The following ZNF157 variants were observed in gnomAD, a reference collection of about 807,000 sequenced individuals.
ZNF157 encodes the protein zinc finger protein 22.
In ZNF157, 8 loss-of-function variants were observed where a neutral mutation model predicts 9.4. That is an observed-to-expected ratio of 0.85 (90% CI 0.50 to 1.53). The LOEUF is 1.53. ZNF157 is among the 40% of genes most tolerant of loss of function. The pLI is 0.00. For synonymous variants in ZNF157, 120 were observed against 130.8 expected, an observed-to-expected ratio of 0.92 and a Z score of 0.56; for missense variants, 316 against 385.2, an observed-to-expected ratio of 0.82 and a Z score of 1.50.
In ZNF157 at chrX:47,396,092, G is replaced by A. The variant is rs776236454; in HGVS notation, c.73-14184G>A. Reference sequence around the variant, plus strand: ...CATATATATTTATATATCCACACACGTATGCCTAATAAAATAAGGAAGAAA... The same window carrying A: ...CATATATATTTATATATCCACACACATATGCCTAATAAAATAAGGAAGAAA... On this transcript the variant is annotated intron_variant, in intron 1 of 3. Transcript: ENST00000377073. 8.1e-5 allele frequency among the ~76,000 whole-genome samples: 9 copies of A among 110,750 alleles called. No individual in the cohort carries two copies. The South Asian group carries it at 1.9e-3, about 23-fold the overall frequency.
At chrX:47,384,114 T>TAAAA (rs57138656) in intron 1 of ZNF157, among the ~76,000 whole-genome samples, 151 of 99,897 alleles carry the variant, frequency 1.5e-3, no homozygotes, top group African/African-American at 5.1e-3. Context: ...TACTGAAAAT[T>TAAAA]AAAAAAAAAA....
intron 1 of ZNF157, among the ~76,000 whole-genome samples, chrX:47,373,743 C>T (rs760266611): frequency 2.4e-4 from 25 of 104,915 alleles, no homozygotes; most frequent in Admixed American, 1.8e-3. Flanking sequence ...GTCTCTCTGT[C>T]GCCCAGGCTG....
At chrX:47,383,282 G>C (rs1423918608) in intron 1 of ZNF157, among the ~76,000 whole-genome samples, 1 of 95,424 alleles carries the variant, frequency 1.0e-5, no homozygotes, top group Non-Finnish European at 2.0e-5. Flanking sequence ...TGAGGCAGGA[G>C]AATTGCTTGA....
intron 1 of ZNF157, among the ~76,000 whole-genome samples, chrX:47,407,095 T>A (rs1023055583): frequency 8.9e-6 from 1 of 112,402 alleles, no homozygotes; most frequent in Admixed American, 9.5e-5. Context: ...TCTATATCAA[T>A]TGATGATTGT....
intron 1 of ZNF157, among the ~76,000 whole-genome samples, chrX:47,382,117 G>A (rs1316390589): frequency 9.1e-6 from 1 of 109,355 alleles, no homozygotes; most frequent in African/African-American, 3.3e-5. Context: ...TGTGAGAGGG[G>A]ATAGAATAGT....
intron 1 of ZNF157, among the ~76,000 whole-genome samples, chrX:47,386,946 A>G (rs1482519900): frequency 2.7e-5 from 3 of 111,375 alleles, no homozygotes; most frequent in Non-Finnish European, 5.7e-5. Flanking sequence ...CCTACTGAAC[A>G]AGAAAACTTT....
intron 1 of ZNF157, among the ~76,000 whole-genome samples, chrX:47,385,582 T>TGTGTGTGTGTGTG (rs1556817558): frequency 9.6e-6 from 1 of 104,415 alleles, no homozygotes; most frequent in Non-Finnish European, 2.0e-5. Context: ...TGTGTGTGTG[T>TGTGTGTGTGTGTG]TTGAGACAGA....
chrX:47,373,705 G>GTTT (rs772657775), intron 1 of ZNF157, among the ~76,000 whole-genome samples: 2 of 94,415 alleles, frequency 2.1e-5, no homozygotes. Flanking sequence ...ATTTCCCTGA[G>GTTT]TTTTTTTTTT....
intron 1 of ZNF157, chrX:47,390,111 A>G (rs981929895): frequency 3.6e-5 from 4 of 110,946 alleles, no homozygotes; most frequent in Non-Finnish European, 7.5e-5. Context: ...ATGGTGCACA[A>G]TTTGAGTTTT....
At chrX:47,397,914 G>A (rs1390304527) in intron 1 of ZNF157, among the ~76,000 whole-genome samples, 2 of 111,151 alleles carry the variant, frequency 1.8e-5, no homozygotes, top group Admixed American at 9.6e-5. Flanking sequence ...CACCAGTGGA[G>A]CATAATATCA....
At chrX:47,410,080 A>G (rs2055959446) in intron 1 of ZNF157, among the ~76,000 whole-genome samples, 196 bp from the exon 2 acceptor site, 1 of 111,574 alleles carries the variant, frequency 9.0e-6, no homozygotes, top group South Asian at 3.7e-4. Flanking sequence ...TCTTTTTTTC[A>G]TGCATTAATA....
chrX:47,410,579 C>T, intron 2 of ZNF157, 101 bp from the exon 3 acceptor site: 1 of 954,556 alleles, frequency 1.0e-6, no homozygotes, highest in Non-Finnish European at 1.5e-6. Flanking sequence ...TAAATGGGCC[C>T]CCTTCCTTGT....
rs1183204331 is a variant in ZNF157 at position 47,384,815 on chromosome X, A to G, written c.72+14075A>G. On this transcript the variant is annotated intron_variant, in intron 1 of 3. Coordinates refer to ENST00000377073, the MANE Select transcript of ZNF157 (RefSeq NM_003446.4). Reference sequence around the variant, plus strand: ...TTGAAGGACATAAAATAATTTTGAAACCTAAAATATCCATGATGTCTTGGG... The same window carrying G: ...TTGAAGGACATAAAATAATTTTGAAGCCTAAAATATCCATGATGTCTTGGG... 2.7e-5 allele frequency among the ~76,000 whole-genome samples: 3 copies of G among 112,336 alleles called. No homozygotes were observed. The Admixed American group carries it at 2.9e-4, about 11-fold the overall frequency.
At chrX:47,377,748 T>TTA (rs1556816872) in intron 1 of ZNF157, among the ~76,000 whole-genome samples, 28 of 96,782 alleles carry the variant, frequency 2.9e-4, no homozygotes, top group African/African-American at 1.0e-3. Flanking sequence ...TTTTTTTTTT[T>TTA]AAAAAAAACC....
rs1277121410 is a variant in ZNF157 at position 47,378,094 on chromosome X, A to G, written c.72+7354A>G. On this transcript the variant is annotated intron_variant, in intron 1 of 3. Transcript: ENST00000377073. Reference sequence around the variant, plus strand: ...GAGACTGGAATTTTTATTATTACTCAAATCAGTCTCCCTGAAAAGTTGGGG... The same window carrying G: ...GAGACTGGAATTTTTATTATTACTCGAATCAGTCTCCCTGAAAAGTTGGGG... 2.7e-5 allele frequency among the ~76,000 whole-genome samples: 3 copies of G among 111,163 alleles called. No individual in the cohort carries two copies. In the East Asian group the frequency reaches 8.5e-4, roughly 31 times the overall value.
chrX:47,390,493 G>A (rs952395119), intron 1 of ZNF157: 1 of 111,954 alleles, frequency 8.9e-6, no homozygotes, highest in African/African-American at 3.2e-5. Flanking sequence ...ATCACCTGAG[G>A]TCGGGAGTTC....
intron 3 of ZNF157, among the ~76,000 whole-genome samples, chrX:47,411,767 C>T (rs1272336752): frequency 9.0e-6 from 1 of 111,172 alleles, no homozygotes; most frequent in Non-Finnish European, 1.9e-5. Flanking sequence ...AAATGAGTAT[C>T]AGTTATATGC....
chrX:47,394,265 C>T (rs1028141407), intron 1 of ZNF157, among the ~76,000 whole-genome samples: 2 of 110,996 alleles, frequency 1.8e-5, no homozygotes, highest in South Asian at 3.7e-4. Context: ...CCTGGCCCCT[C>T]GAACTCTTGA....
intron 1 of ZNF157, among the ~76,000 whole-genome samples, chrX:47,372,180 G>T (rs2055830856): frequency 9.0e-6 from 1 of 110,817 alleles, no homozygotes; most frequent in East Asian, 2.8e-4. Flanking sequence ...CAGTCCCTAG[G>T]CAGCTTCCGA....
Sources: allele counts gnomAD v4.1 joint callset (sites outside exome capture counted in the v4.1 genomes callset), GRCh38; gene constraint gnomAD v4.1.1; transcripts MANE v1.5; gene names NCBI Gene and HGNC (gene_info 2026-07-23, HGNC 2026-07-21).